SLC30A5: variants seen among roughly 807,000 people sequenced by gnomAD.
The protein encoded by SLC30A5 is solute carrier family 30 member 5.
In SLC30A5, 33 loss-of-function variants were observed where a neutral mutation model predicts 79.6. The ratio of observed to expected loss-of-function variants is 0.41; its 90% confidence interval spans 0.31 to 0.55. The LOEUF (loss-of-function observed/expected upper bound fraction) is 0.55. SLC30A5 is among the 20% of genes least tolerant of loss of function. SLC30A5 has a pLI of 0.20. For synonymous variants in SLC30A5, 299 were observed against 319.7 expected (o/e 0.94, Z 0.69); for missense variants, 788 against 928.1 (o/e 0.85, Z 1.96).
At chr5:69,110,370 A>T (rs970706874) in intron 5 of SLC30A5, among the ~76,000 whole-genome samples, 5 of 152,198 alleles carry the variant, frequency 3.3e-5, no homozygotes, top group African/African-American at 1.2e-4. Context: ...TCTGAAAGGG[A>T]CTTTCAAGCA....
At chr5:69,120,620 T>C (rs1479567845) in intron 12 of SLC30A5, among the ~76,000 whole-genome samples, 1 of 152,020 alleles carries the variant, frequency 6.6e-6, no homozygotes, top group Non-Finnish European at 1.5e-5. Flanking sequence ...GATGATGGAG[T>C]CTCTGTAAGC....
At chr5:69,094,405 T>G in intron 1 of SLC30A5, 67 bp downstream of exon 1, 1 of 1,237,994 alleles carries the variant, frequency 8.1e-7, no homozygotes. Flanking sequence ...CCGGCCTCCC[T>G]CCGGTCTCCG....
intron 14 of SLC30A5, among the ~76,000 whole-genome samples, chr5:69,124,178 T>TA (rs1207834476): frequency 6.7e-6 from 1 of 149,676 alleles, no homozygotes; most frequent in African/African-American, 2.5e-5. Flanking sequence ...AATCAACTTT[T>TA]AAAAAAATAA....
chr5:69,094,376 C>G (rs337260), intron 1 of SLC30A5, 38 bp downstream of exon 1: 266,963 of 1,243,080 alleles, frequency 0.21, 29,334 homozygotes, highest in East Asian at 0.31. Flanking sequence ...CCGGCCGGGT[C>G]GCTCAGGATG....
intron 15 of SLC30A5, among the ~76,000 whole-genome samples, chr5:69,128,800 G>GA (rs1195303896): frequency 6.6e-6 from 1 of 152,070 alleles, no homozygotes; most frequent in Non-Finnish European, 1.5e-5. Flanking sequence ...TGCTATGTTT[G>GA]GAGATAGAGG....
At position 69,101,737 on chromosome 5, in the gene SLC30A5, G is replaced by A. The variant is rs1286898588; in HGVS notation, c.206+808G>A. On this transcript the variant is annotated intron_variant, in intron 2 of 15. Transcript: ENST00000396591. Reference sequence around the variant, plus strand: ...TTTGGGAGGCGGAGGCAGGTGGATCGCCTGAGGTCAGGAGTTGGAGACCAG... The same window carrying A: ...TTTGGGAGGCGGAGGCAGGTGGATCACCTGAGGTCAGGAGTTGGAGACCAG... 2.6e-5 allele frequency among the ~76,000 whole-genome samples: 4 copies of A among 151,192 alleles called. No individual in the cohort carries two copies. The East Asian group carries it at 8.1e-4, about 31-fold the overall frequency.
At chr5:69,118,962 T>A (rs351432) in intron 12 of SLC30A5, among the ~76,000 whole-genome samples, 57,888 of 151,494 alleles carry the variant, frequency 0.38, 11,499 homozygotes, top group East Asian at 0.53. Flanking sequence ...CACCACCCCC[T>A]GCTAAATTTT....
intron 3 of SLC30A5, among the ~76,000 whole-genome samples, chr5:69,103,609 C>T (rs1745993909): frequency 6.6e-6 from 1 of 152,134 alleles, no homozygotes; most frequent in African/African-American, 2.4e-5. Context: ...ACAGTAACTT[C>T]CTAACAGAAC....
chr5:69,100,042 C>T (rs1355139696), intron 1 of SLC30A5, among the ~76,000 whole-genome samples: 1 of 152,234 alleles, frequency 6.6e-6, no homozygotes, highest in Non-Finnish European at 1.5e-5. Context: ...AATTTCGACT[C>T]ACTGCAACCT....
At chr5:69,104,518 A>T in intron 3 of SLC30A5, 113 bp from the exon 4 acceptor site, 2 of 1,395,172 alleles carry the variant, frequency 1.4e-6, no homozygotes, top group African/African-American at 1.5e-5. Flanking sequence ...ATATGTAATG[A>T]TTTCACCTTT....
chr5:69,119,539 G>A (rs1467639549), intron 12 of SLC30A5, among the ~76,000 whole-genome samples: 2 of 152,078 alleles, frequency 1.3e-5, no homozygotes, highest in East Asian at 3.9e-4. Flanking sequence ...TCTAGCACCT[G>A]GCTTGTCGTA....
chr5:69,115,427 T>TA lies in SLC30A5; in HGVS notation c.783+20_783+21insA, dbSNP rs1203947929. ...ACTGAGGTAAGATAAGAGCAAGAAT[T>TA]TATTGGTATTAAATTGCTAGTAAAA... is the stretch of plus-strand genomic sequence containing the variant. On this transcript the variant is annotated intron_variant, in intron 8 of 15. Coordinates refer to ENST00000396591, the MANE Select transcript of SLC30A5 (RefSeq NM_022902.5). 1 of 1,586,034 alleles carries TA rather than the reference T, an allele frequency of 6.3e-7. No individual in the cohort carries two copies. The highest frequency in any genetic ancestry group is 1.3e-5 in the African/African-American group (1 of 74,384).
chr5:69,096,127 G>C (rs1158966367), intron 1 of SLC30A5, among the ~76,000 whole-genome samples: 1 of 152,126 alleles, frequency 6.6e-6, no homozygotes, highest in East Asian at 1.9e-4. Context: ...TTTTATAAGA[G>C]AATGTCCACG....
chr5:69,098,402 T>C (rs143827670), intron 1 of SLC30A5, among the ~76,000 whole-genome samples: 22 of 152,192 alleles, frequency 1.4e-4, no homozygotes, highest in African/African-American at 4.8e-4. Flanking sequence ...GGCAGGCACC[T>C]GTAATCCCAG....
rs199863609 is a variant in SLC30A5 at position 69,118,323 on chromosome 5, ATG to A, written c.1440-174_1440-173del. ...TGTATATATATGTGTATATATATAT[ATG>A]TATATATATATGAAGGACCTTCCAG... On this transcript the variant is annotated intron_variant, in intron 11 of 15. Transcript: ENST00000396591. 499 of 221,904 alleles carry A rather than the reference ATG, an allele frequency of 2.2e-3. 24 individuals are homozygous for A. The highest frequency in any genetic ancestry group is 0.015 in the South Asian group (211 of 14,042). The allele number at this position is 221,904 out of a possible 1,614,324, so 13.7% of individuals were successfully genotyped here.
chr5:69,101,202 T>C (rs1745907581), intron 2 of SLC30A5, among the ~76,000 whole-genome samples: 1 of 152,190 alleles, frequency 6.6e-6, no homozygotes, highest in Non-Finnish European at 1.5e-5. Context: ...ATTATTATTA[T>C]TCACTGCATA....
At chr5:69,120,080 A>G (rs983561096) in intron 12 of SLC30A5, among the ~76,000 whole-genome samples, 1 of 151,952 alleles carries the variant, frequency 6.6e-6, no homozygotes, top group Admixed American at 6.6e-5. Flanking sequence ...ATAGTGAAAA[A>G]ATGGAAACAA....
rs1467333283 is a variant in SLC30A5 at position 69,116,210 on chromosome 5, T to G, written c.1068T>G (p.Ile356Met). The G allele has an allele frequency of 6.4e-7, 1 of 1,559,194 alleles. No individual in the cohort carries two copies. Among genetic ancestry groups the G allele is most frequent in the South Asian group, 1.2e-5 (1 of 83,980 alleles). The change falls in exon 9 of 16, where the codon ATT becomes ATG. Residue 356 changes from isoleucine (I) to methionine (M), a missense_variant. Physicochemically the swap from Ile to Met is conservative, Grantham distance 10. This residue lies in a region of SLC30A5 where 626 missense variants were observed against 755.5 expected (regional missense o/e 0.83). Transcript: ENST00000396591. The surrounding 1 kb of genome is among the most constrained non-coding windows in gnomAD (Gnocchi z 4.0). ...GGVVVSAIFF[I>M]LSANILSSPS... ...TGGTAGTGAGTGCTATATTCTTCATTTTGTGTAAGCATTCCCCCCTTTTTT... is the reference window on the plus strand; with the variant it reads ...TGGTAGTGAGTGCTATATTCTTCATGTTGTGTAAGCATTCCCCCCTTTTTT...
At chr5:69,094,466 C>T (rs934092132) in intron 1 of SLC30A5, 128 bp downstream of exon 1, 23 of 1,012,676 alleles carry the variant, frequency 2.3e-5, no homozygotes, top group African/African-American at 1.2e-4. Context: ...CCCTGCCTGC[C>T]TCCCTGCGCG....
Sources: allele counts gnomAD v4.1 joint callset (sites outside exome capture counted in the v4.1 genomes callset), GRCh38; gene constraint gnomAD v4.1.1; regional missense constraint gnomAD v4.1.1; non-coding constraint Gnocchi (gnomAD v3.1); transcripts MANE v1.5; gene names NCBI Gene and HGNC (gene_info 2026-07-23, HGNC 2026-07-21).